Variants in XKR4 observed in about 807,000 individuals in gnomAD.
XKR4 encodes XK-related protein 4.
A neutral mutation model predicts 53.9 loss-of-function variants in XKR4; 12 were observed. The ratio of observed to expected loss-of-function variants is 0.22; its 90% confidence interval spans 0.14 to 0.36. XKR4 has a LOEUF of 0.36. Among genes scored for constraint, XKR4 ranks in the 10% least tolerant of loss-of-function variants. The pLI is 1.00. For missense variants in XKR4, 799 were observed against 859.5 expected (o/e 0.93, Z 0.88); for synonymous variants, 354 against 362.4 (o/e 0.98, Z 0.26).
intron 1 of XKR4, among the ~76,000 whole-genome samples, chr8:55,292,064 C>T (rs1397272475): frequency 6.6e-6 from 1 of 151,976 alleles, no homozygotes; most frequent in Non-Finnish European, 1.5e-5. Context: ...ATATGTATTG[C>T]TTAATTCTAT....
At position 55,252,622 on chromosome 8, in the gene XKR4, C is replaced by CT. The variant is rs746249783; in HGVS notation, c.807-105055dup. 8.5e-5 allele frequency among the ~76,000 whole-genome samples: 13 copies of CT among 152,304 alleles called. No homozygotes were observed. In the East Asian group the frequency reaches 2.5e-3, roughly 29 times the overall value. On this transcript the variant is annotated intron_variant, in intron 1 of 2. Transcript: ENST00000327381. ...GTCCACATTCTTATGCATAAACTGA[C>CT]TCAGGTTTTGCTTTGACAGAACTGG... is the stretch of plus-strand genomic sequence containing the variant.
At chr8:55,170,773 T>G (rs1051333976) in intron 1 of XKR4, among the ~76,000 whole-genome samples, 46 of 152,148 alleles carry the variant, frequency 3.0e-4, no homozygotes, top group African/African-American at 1.1e-3. Context: ...CAAAGATGGA[T>G]CACTTAGGCC....
At chr8:55,462,274 G>T (rs1222839894) in intron 2 of XKR4, among the ~76,000 whole-genome samples, 4 of 152,228 alleles carry the variant, frequency 2.6e-5, no homozygotes, top group Admixed American at 6.5e-5. Flanking sequence ...ACAGCTGATA[G>T]CTTGGCAGAA....
intron 1 of XKR4, among the ~76,000 whole-genome samples, chr8:55,197,290 A>G (rs1585932605): frequency 6.6e-6 from 1 of 152,174 alleles, no homozygotes. Context: ...ACACACCTCT[A>G]TATTAGGTGA....
intron 1 of XKR4, chr8:55,164,605 G>T (rs1244713008): frequency 6.0e-6 from 2 of 335,878 alleles, no homozygotes; most frequent in Non-Finnish European, 1.2e-5. Flanking sequence ...GAGATGGCTG[G>T]ACAGCAAGAA....
chr8:55,329,347 G>A (rs944563383), intron 1 of XKR4, among the ~76,000 whole-genome samples: 11 of 151,264 alleles, frequency 7.3e-5, no homozygotes, highest in Admixed American at 4.0e-4. Context: ...ACACAAATTC[G>A]TAAACTTTCT....
intron 2 of XKR4, among the ~76,000 whole-genome samples, chr8:55,422,941 CTT>C (rs1804957247): frequency 6.6e-6 from 1 of 152,112 alleles, no homozygotes; most frequent in African/African-American, 2.4e-5. Context: ...ATATGAATGT[CTT>C]TGAGCTCTAT....
intron 2 of XKR4, among the ~76,000 whole-genome samples, chr8:55,375,329 A>G (rs1023260072): frequency 6.6e-6 from 1 of 152,174 alleles, no homozygotes; most frequent in Non-Finnish European, 1.5e-5. Flanking sequence ...GCCTGCCTCC[A>G]ATGGATAAGG....
At chr8:55,381,158 T>C (rs1207318832) in intron 2 of XKR4, among the ~76,000 whole-genome samples, 1 of 152,194 alleles carries the variant, frequency 6.6e-6, no homozygotes. Context: ...AAAGTAATTA[T>C]TTTCATTTCA....
At chr8:55,248,599 A>G (rs1187255528) in intron 1 of XKR4, among the ~76,000 whole-genome samples, 1 of 152,076 alleles carries the variant, frequency 6.6e-6, no homozygotes, top group Non-Finnish European at 1.5e-5. Flanking sequence ...GTACTCATAT[A>G]TTCACTCTGC....
At chr8:55,495,435 C>T (rs908561741) in intron 2 of XKR4, among the ~76,000 whole-genome samples, 2 of 152,220 alleles carry the variant, frequency 1.3e-5, no homozygotes, top group Middle Eastern at 3.2e-3. Flanking sequence ...GGAGCATGAA[C>T]CCCCAGCTGT....
At chr8:55,221,402 G>C (rs994806462) in intron 1 of XKR4, among the ~76,000 whole-genome samples, 12 of 152,100 alleles carry the variant, frequency 7.9e-5, no homozygotes, top group African/African-American at 2.9e-4. Flanking sequence ...ATGCTGTAAG[G>C]TCCCCACAGG....
chr8:55,454,689 G>A lies in XKR4; in HGVS notation c.1007-68592G>A, dbSNP rs552225652. 1.1e-5 allele frequency: 10 copies of A among 894,768 alleles called. No homozygotes were observed. The African/African-American group carries it at 1.6e-4, about 14-fold the overall frequency. The allele number at this position is 894,768 out of a possible 1,614,324, so 55.4% of individuals were successfully genotyped here. A position where few individuals can be genotyped will look rare whatever the true frequency, so the allele number is the denominator to read the frequency against. The stretch of plus-strand genomic sequence containing the variant: ...TTACGTTCCCTGGGAACACATTCAG[G>A]CCCTCCACGTGGACGGCATAGATGA... On this transcript the variant is annotated intron_variant, in intron 2 of 2. Transcript: ENST00000327381.
chr8:55,105,596 A>G (rs960348860), intron 1 of XKR4, among the ~76,000 whole-genome samples: 5 of 152,180 alleles, frequency 3.3e-5, no homozygotes, highest in Admixed American at 1.3e-4. Context: ...TATTCTGGAA[A>G]TATTTGTCAA....
At chr8:55,453,550 G>A (rs922471414) in intron 2 of XKR4, 2 of 379,416 alleles carry the variant, frequency 5.3e-6, no homozygotes, top group African/African-American at 4.2e-5. Flanking sequence ...GGGCAGTCAT[G>A]CGGGGCCCTG....
chr8:55,311,652 C>T (rs1474190234), intron 1 of XKR4, among the ~76,000 whole-genome samples: 1 of 151,896 alleles, frequency 6.6e-6, no homozygotes, highest in African/African-American at 2.4e-5. Context: ...AAATGATAGC[C>T]TAGTTTCCTA....
intron 1 of XKR4, among the ~76,000 whole-genome samples, chr8:55,310,805 G>A (rs1037445069): frequency 3.9e-5 from 6 of 152,190 alleles, no homozygotes; most frequent in African/African-American, 7.2e-5. Context: ...CGTGAGAAAA[G>A]GTTTATTCCG....
chr8:55,455,014 G>A, intron 2 of XKR4: 1 of 775,940 alleles, frequency 1.3e-6, no homozygotes, highest in South Asian at 1.4e-5. Context: ...AAAACAGCTG[G>A]GGGAATGGGT....
intron 2 of XKR4, among the ~76,000 whole-genome samples, chr8:55,413,766 T>G (rs1585562056): frequency 6.8e-6 from 1 of 146,746 alleles, no homozygotes; most frequent in South Asian, 2.2e-4. Flanking sequence ...AGGTCTCACT[T>G]AATCCAATCA....
Sources: allele counts gnomAD v4.1 joint callset (sites outside exome capture counted in the v4.1 genomes callset), GRCh38; gene constraint gnomAD v4.1.1; transcripts MANE v1.5; gene names NCBI Gene and HGNC (gene_info 2026-07-23, HGNC 2026-07-21).